Variants in FMNL3 observed in about 807,000 individuals in gnomAD.
FMNL3 encodes the protein formin-like protein 3.
In FMNL3, 57 loss-of-function variants were observed where a neutral mutation model predicts 119.6. That is an observed-to-expected ratio of 0.48 (90% CI 0.39 to 0.59). The LOEUF (loss-of-function observed/expected upper bound fraction) is 0.59, where lower values mean the gene tolerates loss of function less well. Ranked by LOEUF, FMNL3 falls within the 20% of genes least tolerant of loss-of-function variation. The pLI is 0.00. For synonymous variants in FMNL3, 491 were observed against 507.3 expected, an observed-to-expected ratio of 0.97 and a Z score of 0.43; for missense variants, 1,053 against 1,323.5, an observed-to-expected ratio of 0.80 and a Z score of 3.17.
chr12:49,693,392 T>C (rs561552385), intron 1 of FMNL3, among the ~76,000 whole-genome samples: 3 of 151,924 alleles, frequency 2.0e-5, no homozygotes, highest in Non-Finnish European at 4.4e-5. Flanking sequence ...TTGTTGTTTT[T>C]TTTTTGAGAT....
rs370506711 is a variant in FMNL3 at position 49,645,770 on chromosome 12, T to C, written c.*45A>G. On this transcript the variant is annotated 3_prime_UTR_variant, in exon 26 of 26. Transcript: ENST00000335154. ...CCAATTCCAGGTCCACTGGTTGGAC[T>C]TGTAGGACTCTGAGGGGTGAAGTGC... 1.9e-5 allele frequency: 30 copies of C among 1,541,136 alleles called. No homozygotes were observed. The highest frequency in any genetic ancestry group is 1.7e-4 in the Middle Eastern group (1 of 5,860).
Position 49,707,130 on chromosome 12 carries a change from G to C in FMNL3, c.51C>G (p.Val17=). The change falls in exon 1 of 26, where the codon GTC becomes GTG. Residue 17 remains valine (V), a synonymous_variant. Coordinates refer to ENST00000335154, the MANE Select transcript of FMNL3 (RefSeq NM_175736.5). ...AEGVPGEPPS[V]PLLLPPGKMP... ...TCTTGCCGGGCGGCAGCAACAACGG[G>C]ACAGAGGGGGGCTCTCCCGGGACCC... 6.2e-7 allele frequency: 1 copy of C among 1,603,062 alleles called. No individual in the cohort carries two copies. Among genetic ancestry groups the C allele is most frequent in the African/African-American group, 1.3e-5 (1 of 74,296 alleles).
chr12:49,673,271 C>T (rs1398462420), intron 1 of FMNL3, among the ~76,000 whole-genome samples: 2 of 152,184 alleles, frequency 1.3e-5, no homozygotes, highest in Admixed American at 6.5e-5. Flanking sequence ...CCAAGTCCTC[C>T]GTGGCATCCA....
chr12:49,652,757 G>C (rs966739680), intron 13 of FMNL3, among the ~76,000 whole-genome samples: 6 of 152,178 alleles, frequency 3.9e-5, no homozygotes, highest in African/African-American at 1.4e-4. Context: ...ATGGGGGCAT[G>C]ACTTTATAAT....
intron 5 of FMNL3, chr12:49,659,845 T>A: frequency 1.0e-6 from 1 of 985,468 alleles, no homozygotes; most frequent in Non-Finnish European, 1.2e-6. Flanking sequence ...CTCCTTCTTG[T>A]CCTCTTCCTC....
chr12:49,685,207 G>A (rs1396237787), intron 1 of FMNL3, among the ~76,000 whole-genome samples: 4 of 152,182 alleles, frequency 2.6e-5, no homozygotes, highest in Admixed American at 1.3e-4. Flanking sequence ...GGTCCAGGCC[G>A]GAAGCAGTGG....
At chr12:49,692,849 G>A (rs1944642477) in intron 1 of FMNL3, among the ~76,000 whole-genome samples, 1 of 152,142 alleles carries the variant, frequency 6.6e-6, no homozygotes, top group Non-Finnish European at 1.5e-5. Context: ...TAGTAAGTGG[G>A]GAAGATCTGA....
At chr12:49,690,880 A>G (rs1231173377) in intron 1 of FMNL3, among the ~76,000 whole-genome samples, 2 of 152,242 alleles carry the variant, frequency 1.3e-5, no homozygotes, top group African/African-American at 4.8e-5. Flanking sequence ...CCTTGTCTCT[A>G]CAAAAAATAC....
intron 7 of FMNL3, 40 bp from the exon 8 acceptor site, chr12:49,656,939 G>T: frequency 6.3e-7 from 1 of 1,578,326 alleles, no homozygotes; most frequent in Non-Finnish European, 8.7e-7. Context: ...CTTGATGGTG[G>T]GGAAGGGGGA....
At position 49,636,635 on chromosome 12, in the gene FMNL3, T is replaced by C; in HGVS notation, c.*9180A>G. ...TATCCCTAGCACCTGTAGGACAGCA[T>C]CGTTGAAACATTAGGGGTGCTGGGG... On this transcript the variant is annotated 3_prime_UTR_variant, in exon 26 of 26. Transcript: ENST00000335154. 6.3e-7 allele frequency: 1 copy of C among 1,585,584 alleles called. No individual in the cohort carries two copies. Among genetic ancestry groups the C allele is most frequent in the South Asian group, 1.1e-5 (1 of 89,772 alleles).
intron 1 of FMNL3, among the ~76,000 whole-genome samples, chr12:49,697,941 A>G (rs1741336239): frequency 6.6e-6 from 1 of 152,164 alleles, no homozygotes; most frequent in Non-Finnish European, 1.5e-5. Context: ...CTCCCAGAAC[A>G]AAATTTTTTT....
At chr12:49,666,467 A>C (rs983973514) in intron 2 of FMNL3, among the ~76,000 whole-genome samples, 2 of 152,230 alleles carry the variant, frequency 1.3e-5, no homozygotes, top group African/African-American at 4.8e-5. Flanking sequence ...AAGTATTTTA[A>C]AAGTGTGCTG....
At chr12:49,655,078 G>T in intron 9 of FMNL3, 94 bp from the exon 10 acceptor site, 1 of 1,132,600 alleles carries the variant, frequency 8.8e-7, no homozygotes, top group Non-Finnish European at 1.3e-6. Flanking sequence ...GCAAAGGACT[G>T]GTTCAGACCA....
intron 1 of FMNL3, among the ~76,000 whole-genome samples, chr12:49,678,853 T>A (rs966550053): frequency 6.6e-6 from 1 of 152,098 alleles, no homozygotes; most frequent in Non-Finnish European, 1.5e-5. Flanking sequence ...GGAGACAGTA[T>A]TTGCAAATAC....
chr12:49,685,247 G>A (rs192877246), intron 1 of FMNL3, among the ~76,000 whole-genome samples: 199 of 152,320 alleles, frequency 1.3e-3, no homozygotes, highest in South Asian at 0.011. Flanking sequence ...CACTTTGGGA[G>A]GCTGAGGCAG....
chr12:49,657,246 A>C, intron 6 of FMNL3, 56 bp from the exon 7 acceptor site: 1 of 1,350,544 alleles, frequency 7.4e-7, no homozygotes, highest in Non-Finnish European at 1.1e-6. Flanking sequence ...TGAAGCATCT[A>C]GGGACACTCA....
At chr12:49,646,696 CAGA>C (rs1943204249) in intron 25 of FMNL3, 187 bp downstream of exon 25, 2 of 1,539,000 alleles carry the variant, frequency 1.3e-6, no homozygotes, top group Non-Finnish European at 1.7e-6. Context: ...GGCTGCATCA[CAGA>C]AGAAGCGTGA....
chr12:49,685,357 G>A, intron 1 of FMNL3, among the ~76,000 whole-genome samples: 1 of 152,124 alleles, frequency 6.6e-6, no homozygotes, highest in East Asian at 1.9e-4. Context: ...AGCTACTCAG[G>A]AGGCTGAGGC....
chr12:49,652,998 A>G (rs1255379683), intron 13 of FMNL3, among the ~76,000 whole-genome samples: 1 of 152,106 alleles, frequency 6.6e-6, no homozygotes, highest in Admixed American at 6.6e-5. Flanking sequence ...TGGGTGCCCC[A>G]GCTGTTCCCA....
Sources: allele counts gnomAD v4.1 joint callset (sites outside exome capture counted in the v4.1 genomes callset), GRCh38; gene constraint gnomAD v4.1.1; transcripts MANE v1.5; gene names NCBI Gene and HGNC (gene_info 2026-07-23, HGNC 2026-07-21).